HNRNPH1: variants seen among roughly 807,000 people sequenced by gnomAD.
HNRNPH1 encodes the protein heterogeneous nuclear ribonucleoprotein H.
A neutral mutation model predicts 58.6 loss-of-function variants in HNRNPH1; 4 were observed. That is an observed-to-expected ratio of 0.07 (90% CI 0.03 to 0.16). The LOEUF is 0.16. Ranked by LOEUF, HNRNPH1 falls within the 10% of genes least tolerant of loss-of-function variation. The probability of loss-of-function intolerance (pLI) is 1.00; values close to 1 mark genes in which losing one functional copy is unlikely to be tolerated. For missense variants in HNRNPH1, 271 were observed against 564.2 expected, an observed-to-expected ratio of 0.48 and a Z score of 5.26; for synonymous variants, 192 against 189.2, an observed-to-expected ratio of 1.01 and a Z score of -0.12.
At chr5:179,632,788 G>C (rs1460882886) in intron 2 of HNRNPH1, among the ~76,000 whole-genome samples, 2 of 115,502 alleles carry the variant, frequency 1.7e-5, no homozygotes, top group East Asian at 2.5e-4. Context: ...ACGGAGTCTC[G>C]CTCTTGTTGC....
At chr5:179,632,711 G>A (rs1241939675) in intron 2 of HNRNPH1, among the ~76,000 whole-genome samples, 1 of 150,678 alleles carries the variant, frequency 6.6e-6, no homozygotes, top group Non-Finnish European at 1.5e-5. Context: ...ACCTCCCAAG[G>A]CTTCAGCCAG....
Position 179,616,237 on chromosome 5 carries a change from A to T in HNRNPH1, c.1208-19T>A. ...TGGTTTGCTGTTAAGTTAAGAAAACATTAGAACCTTTTTTCTTATGTGATG... is the reference window on the plus strand; with the variant it reads ...TGGTTTGCTGTTAAGTTAAGAAAACTTTAGAACCTTTTTTCTTATGTGATG... On this transcript the variant is annotated intron_variant, in intron 10 of 12. Transcript: ENST00000356731. The T allele has an allele frequency of 6.2e-7, 1 of 1,600,134 alleles. No homozygotes were observed. Among genetic ancestry groups the T allele is most frequent in the Non-Finnish European group, 8.6e-7 (1 of 1,167,272 alleles).
upstream of HNRNPH1, among the ~76,000 whole-genome samples, chr5:179,627,109 C>A (rs1187317116): frequency 1.3e-5 from 2 of 152,142 alleles, no homozygotes; most frequent in Non-Finnish European, 2.9e-5. Flanking sequence ...TTACAGTTTA[C>A]AGAGCTCTTT....
At position 179,620,848 on chromosome 5, in the gene HNRNPH1, A is replaced by T. The variant is rs1374158209; in HGVS notation, c.397+44T>A. 3.1e-6 allele frequency: 5 copies of T among 1,593,824 alleles called. No individual in the cohort carries two copies. The Admixed American group carries it at 8.5e-5, about 27-fold the overall frequency. On this transcript the variant is annotated intron_variant, in intron 3 of 12. Coordinates refer to ENST00000356731, the Ensembl canonical transcript of HNRNPH1. ...ACGTCTATTAAATCACCTTGCCATA[A>T]GCTAGCCAAAACTCACTGCTCAGCA...
chr5:179,617,746 GCTGA>G (rs1418279751), intron 7 of HNRNPH1, 49 bp downstream of exon 8: 24 of 1,608,038 alleles, frequency 1.5e-5, no homozygotes, highest in Non-Finnish European at 1.9e-5. Context: ...ATAGAATAAG[GCTGA>G]CTTACTGCCA....
rs1221900771 is a variant in HNRNPH1, at chr5:179,619,258, T to A, written c.536+11A>T. On this transcript the variant is annotated intron_variant, in intron 4 of 12. Transcript: ENST00000356731. ...GAAAAGTGACATATCCAACCAACCA[T>A]CCATCCCCACCTGTGCCCTATTCTT... The A allele has an allele frequency of 6.3e-7, 1 of 1,597,316 alleles. No homozygotes were observed.
At chr5:179,630,067 A>C (rs769502914) in intron 2 of HNRNPH1, among the ~76,000 whole-genome samples, 3 of 148,150 alleles carry the variant, frequency 2.0e-5, no homozygotes. Flanking sequence ...AAAAGAAAAT[A>C]TGCAGATGAC....
At chr5:179,633,575 G>C (rs1222691990) in intron 2 of HNRNPH1, among the ~76,000 whole-genome samples, 2 of 149,380 alleles carry the variant, frequency 1.3e-5, no homozygotes, top group Non-Finnish European at 3.0e-5. Context: ...GCCTCCCAAA[G>C]TGCTGGGATT....
upstream of HNRNPH1, among the ~76,000 whole-genome samples, chr5:179,627,727 T>C (rs959843995): frequency 2.0e-5 from 3 of 151,658 alleles, no homozygotes; most frequent in South Asian, 2.1e-4. Flanking sequence ...GTTTCAGACA[T>C]GTTGGCCAAC....
chr5:179,633,906 A>G (rs934607587), intron 2 of HNRNPH1: 2 of 150,296 alleles, frequency 1.3e-5, no homozygotes, highest in Non-Finnish European at 3.0e-5. Flanking sequence ...TGATAGAGCG[A>G]GACTCCGTCT....
At chr5:179,616,984 G>C (rs781112447) in intron 9 of HNRNPH1, 26 bp from the exon 11 acceptor site, 32 of 1,248,876 alleles carry the variant, frequency 2.6e-5, no homozygotes, top group Non-Finnish European at 3.4e-5. Context: ...AGGCATACAA[G>C]GTTAGCTTAA....
chr5:179,620,625 T>C (rs1183410160), intron 3 of HNRNPH1: 12 of 362,710 alleles, frequency 3.3e-5, no homozygotes, highest in East Asian at 4.7e-5. Context: ...GTGAGGAAAG[T>C]AGTTAAGCTG....
chr5:179,622,912 C>CCAGGGGGCGG (rs1386576765), intron 1 of HNRNPH1, 125 bp downstream of exon 2: 2 of 154,936 alleles, frequency 1.3e-5, no homozygotes, highest in Non-Finnish European at 2.6e-5. Context: ...CCAGGGGGCG[C>CCAGGGGGCGG]CCCGGGTCCC....
At chr5:179,615,061 T>G in intron 12 of HNRNPH1, 102 bp from the exon 14 acceptor site, 2 of 743,130 alleles carry the variant, frequency 2.7e-6, no homozygotes, top group Non-Finnish European at 4.7e-6. Context: ...CGAGTACAAA[T>G]GGCTGCTGTC....
At chr5:179,615,651 C>T (rs1004548163) in intron 11 of HNRNPH1, 56 bp from the exon 13 acceptor site, 3 of 878,480 alleles carry the variant, frequency 3.4e-6, no homozygotes, top group African/African-American at 3.4e-5. Flanking sequence ...ATTCTTTAGA[C>T]CAATTGAAAA....
At chr5:179,632,882 G>A (rs1774969052) in intron 2 of HNRNPH1, among the ~76,000 whole-genome samples, 1 of 117,020 alleles carries the variant, frequency 8.5e-6, no homozygotes, top group Non-Finnish European at 1.7e-5. Flanking sequence ...TTTTTGAGAC[G>A]GAGTCCTGCT....
exon 13 of HNRNPH1, chr5:179,614,663 A>G (rs1768581718): frequency 7.9e-6 from 4 of 509,470 alleles, no homozygotes; most frequent in Non-Finnish European, 1.4e-5. Flanking sequence ...TACATCCTAG[A>G]TGAGTATTGT....
upstream of HNRNPH1, chr5:179,629,124 C>G (rs1378910628): frequency 2.0e-5 from 3 of 148,960 alleles, no homozygotes; most frequent in Non-Finnish European, 1.5e-5. Flanking sequence ...AGTGAAACCC[C>G]GTCTCTACTA....
At chr5:179,616,245 C>T in intron 10 of HNRNPH1, 27 bp from the exon 12 acceptor site, 8 of 1,574,140 alleles carry the variant, frequency 5.1e-6, no homozygotes, top group Non-Finnish European at 7.0e-6. Flanking sequence ...ACATTAGAAC[C>T]TTTTTTCTTA....
Sources: gnomAD v4.1 joint callset for allele counts (sites outside exome capture counted in the v4.1 genomes callset) on GRCh38, gnomAD v4.1.1 for gene constraint, MANE v1.5 for transcripts, NCBI Gene and HGNC (gene_info 2026-07-23, HGNC 2026-07-21) for gene names.